The following MPP7 variants were observed in gnomAD, a reference collection of about 807,000 sequenced individuals.
MPP7 encodes the protein MAGUK p55 subfamily member 7.
Under a neutral mutation model 76.5 loss-of-function variants are expected in MPP7, and 60 were observed. The observed-to-expected ratio is 0.78, with a 90% CI of 0.64 to 0.97. The LOEUF is 0.97. Ranked by LOEUF, MPP7 falls within the 50% of genes least tolerant of loss-of-function variation. The pLI, the probability that MPP7 is intolerant of heterozygous loss-of-function variation, is 0.00. For missense variants in MPP7, 641 were observed against 694.0 expected (o/e 0.92, Z 0.86); for synonymous variants, 237 against 244.5 (o/e 0.97, Z 0.29).
In MPP7 at chr10:28,303,015, C is replaced by T. The variant is rs979775003; in HGVS notation, c.-286G>A. On this transcript the variant is annotated 5_prime_UTR_variant, in exon 1 of 17. It adds an upstream start codon to the 5' untranslated region. Coordinates refer to ENST00000683449, the MANE Select transcript of MPP7 (RefSeq NM_001318170.2). Reference sequence around the variant, plus strand: ...ACCGCCGCGGCGGGCGCAGAACGCACGAGCCCAGTGGGAGCCCGGCCCCCG... The same window carrying T: ...ACCGCCGCGGCGGGCGCAGAACGCATGAGCCCAGTGGGAGCCCGGCCCCCG... Among the ~76,000 whole-genome samples, 1 of 150,302 alleles carries T rather than the reference C, an allele frequency of 6.7e-6. No homozygotes were observed. The highest frequency in any genetic ancestry group is 2.1e-4 in the South Asian group (1 of 4,822).
chr10:28,166,850 C>T (rs1836482265), intron 3 of MPP7, among the ~76,000 whole-genome samples: 1 of 152,058 alleles, frequency 6.6e-6, no homozygotes, highest in Admixed American at 6.6e-5. Context: ...GCTTTTTTCC[C>T]CCTTCAACAT....
chr10:28,262,210 T>TATATATATATATACAC (rs1564741265), intron 1 of MPP7, among the ~76,000 whole-genome samples: 1 of 8,196 alleles, frequency 1.2e-4, no homozygotes, highest in Non-Finnish European at 4.1e-4. Context: ...TATATATACA[T>TATATATATATATACAC]ATATATATAT....
chr10:28,139,903 A>T (rs1366699157), intron 5 of MPP7, among the ~76,000 whole-genome samples: 1 of 152,212 alleles, frequency 6.6e-6, no homozygotes, highest in Non-Finnish European at 1.5e-5. Flanking sequence ...GCAAGCAAAC[A>T]TTTTAAACAA....
At chr10:28,299,681 C>T (rs1187001365) in intron 1 of MPP7, among the ~76,000 whole-genome samples, 1 of 152,032 alleles carries the variant, frequency 6.6e-6, no homozygotes, top group African/African-American at 2.4e-5. Flanking sequence ...GAGAGCAAGC[C>T]TGACTAACAA....
chr10:28,295,790 A>G (rs569272428), intron 1 of MPP7, among the ~76,000 whole-genome samples: 4 of 152,366 alleles, frequency 2.6e-5, no homozygotes, highest in South Asian at 2.1e-4. Flanking sequence ...TTTCAAAGCT[A>G]TATCTAGACC....
intron 1 of MPP7, among the ~76,000 whole-genome samples, chr10:28,294,696 T>TA (rs1281532169): frequency 6.6e-6 from 1 of 152,216 alleles, no homozygotes; most frequent in Non-Finnish European, 1.5e-5. Flanking sequence ...TTCAATTGTA[T>TA]AAGATGCAGG....
intron 1 of MPP7, among the ~76,000 whole-genome samples, chr10:28,290,517 G>A (rs1273695275): frequency 6.6e-6 from 1 of 152,068 alleles, no homozygotes; most frequent in Non-Finnish European, 1.5e-5. Flanking sequence ...TTGTTGCGCA[G>A]GCTGGAGTGC....
At chr10:28,232,530 T>A in intron 2 of MPP7, among the ~76,000 whole-genome samples, 1 of 152,160 alleles carries the variant, frequency 6.6e-6, no homozygotes, top group Non-Finnish European at 1.5e-5. Context: ...AGGGAGTTAA[T>A]TTTTTTAAAA....
chr10:28,105,451 C>T (rs141475628), intron 11 of MPP7, among the ~76,000 whole-genome samples: 1 of 152,206 alleles, frequency 6.6e-6, no homozygotes, highest in African/African-American at 2.4e-5. Context: ...GTGTGGACTG[C>T]GATGAACTGA....
intron 4 of MPP7, among the ~76,000 whole-genome samples, chr10:28,147,957 TG>T (rs1196814906): frequency 1.3e-5 from 2 of 152,136 alleles, no homozygotes; most frequent in African/African-American, 4.8e-5. Context: ...CTGAATGAGG[TG>T]GTGAAATCCA....
intron 1 of MPP7, among the ~76,000 whole-genome samples, chr10:28,302,165 C>T (rs979147997): frequency 7.2e-5 from 11 of 152,096 alleles, no homozygotes; most frequent in Admixed American, 3.3e-4. Flanking sequence ...CCCCACAATC[C>T]TTTCAAACCT....
At chr10:28,118,981 G>A (rs1010344935) in intron 11 of MPP7, 25 of 985,182 alleles carry the variant, frequency 2.5e-5, no homozygotes, top group African/African-American at 2.4e-4. Flanking sequence ...ACATCTAGGC[G>A]AGGTGGAACA....
intron 3 of MPP7, among the ~76,000 whole-genome samples, chr10:28,167,676 G>GTATATA (rs34608718): frequency 4.7e-4 from 72 of 151,986 alleles, no homozygotes; most frequent in South Asian, 1.9e-3. Context: ...AAGTTTGCTG[G>GTATATA]TATATATATA....
At chr10:28,143,625 C>T (rs568667026) in intron 5 of MPP7, among the ~76,000 whole-genome samples, 8 of 141,180 alleles carry the variant, frequency 5.7e-5, no homozygotes, top group African/African-American at 1.5e-4. Context: ...ACATAACTTA[C>T]AAATTTTCTT....
chr10:28,282,508 C>T (rs1589026379), intron 1 of MPP7, among the ~76,000 whole-genome samples: 1 of 152,116 alleles, frequency 6.6e-6, no homozygotes, highest in East Asian at 1.9e-4. Context: ...TGAACTGGAG[C>T]TCATTAAAGC....
intron 1 of MPP7, among the ~76,000 whole-genome samples, chr10:28,265,337 C>T (rs1840115139): frequency 6.6e-6 from 1 of 152,128 alleles, no homozygotes; most frequent in Middle Eastern, 3.2e-3. Flanking sequence ...GGCGGGGGGA[C>T]TGCTTGAGCT....
chr10:28,300,435 G>A (rs1343893572), intron 1 of MPP7, among the ~76,000 whole-genome samples: 1 of 152,148 alleles, frequency 6.6e-6, no homozygotes, highest in Non-Finnish European at 1.5e-5. Flanking sequence ...ATCAACAGAT[G>A]ATAAAAGTTC....
intron 3 of MPP7, among the ~76,000 whole-genome samples, chr10:28,195,842 AAAAT>A (rs1374211008): frequency 2.0e-5 from 3 of 152,222 alleles, no homozygotes; most frequent in African/African-American, 4.8e-5. Context: ...CAAAATAAAC[AAAAT>A]AAATAAAATT....
At chr10:28,263,199 G>A (rs1840045473) in intron 1 of MPP7, among the ~76,000 whole-genome samples, 1 of 152,120 alleles carries the variant, frequency 6.6e-6, no homozygotes, top group Non-Finnish European at 1.5e-5. Context: ...AATTTCTCTG[G>A]TGGTAGTGTA....
Sources: gnomAD v4.1 joint callset for allele counts (sites outside exome capture counted in the v4.1 genomes callset) on GRCh38, gnomAD v4.1.1 for gene constraint, MANE v1.5 for transcripts, NCBI Gene and HGNC (gene_info 2026-07-23, HGNC 2026-07-21) for gene names.